COL19A1: variants seen among roughly 807,000 people sequenced by gnomAD.
COL19A1 encodes the protein collagen type XIX alpha 1 chain.
A neutral mutation model predicts 190.2 loss-of-function variants in COL19A1; 159 were observed. The ratio of observed to expected loss-of-function variants is 0.84; its 90% confidence interval spans 0.73 to 0.95. COL19A1 has a LOEUF of 0.95. Among genes scored for constraint, COL19A1 ranks in the 40% least tolerant of loss-of-function variants. The probability of loss-of-function intolerance (pLI) is 0.00; values close to 1 mark genes in which losing one functional copy is unlikely to be tolerated. For missense variants in COL19A1, 1,418 were observed against 1,431.9 expected (o/e 0.99, Z 0.16); for synonymous variants, 509 against 458.9 (o/e 1.11, Z -1.39).
rs1005854651 is a variant in COL19A1 at position 69,886,075 on chromosome 6, A to T, written c.91+6417A>T. Among the ~76,000 whole-genome samples, 6 of 152,238 alleles carry T rather than the reference A, an allele frequency of 3.9e-5. No individual in the cohort carries two copies. The South Asian group carries it at 6.2e-4, about 16-fold the overall frequency. On this transcript the variant is annotated intron_variant, in intron 2 of 50. Transcript: ENST00000620364. ...TATGGGCTGGGAAAAAATAATTGCA[A>T]ACTACTTATCTCATGGTTAATATAC...
At chr6:70,074,310 C>A (rs9454960) in intron 15 of COL19A1, among the ~76,000 whole-genome samples, 2,212 of 151,992 alleles carry the variant, frequency 0.015, 40 homozygotes, top group South Asian at 0.048. Context: ...ACCAGCCTGG[C>A]CAACATGGTG....
chr6:70,032,503 A>G (rs892073007), intron 12 of COL19A1, among the ~76,000 whole-genome samples: 54 of 152,206 alleles, frequency 3.5e-4, no homozygotes, highest in Non-Finnish European at 3.1e-4. Context: ...ATTTTTTTCT[A>G]GTAACCAAAT....
At chr6:69,869,295 T>G (rs991777694) in intron 1 of COL19A1, among the ~76,000 whole-genome samples, 22 of 152,032 alleles carry the variant, frequency 1.4e-4, no homozygotes, top group African/African-American at 5.3e-4. Flanking sequence ...CAAGGAGAGA[T>G]TGGAAAGGAC....
chr6:70,191,387 C>T (rs181120338), intron 48 of COL19A1, among the ~76,000 whole-genome samples: 2 of 152,128 alleles, frequency 1.3e-5, no homozygotes, highest in African/African-American at 4.8e-5. Flanking sequence ...CTTGTTCCAA[C>T]CTGAAGATGT....
intron 11 of COL19A1, among the ~76,000 whole-genome samples, chr6:69,993,070 G>A (rs142402443): frequency 3.4e-4 from 51 of 152,008 alleles, no homozygotes; most frequent in African/African-American, 1.2e-3. Flanking sequence ...TTGCCCATTC[G>A]GTATAATGTT....
At chr6:70,148,925 TA>T (rs5877241) in intron 27 of COL19A1, among the ~76,000 whole-genome samples, 106,462 of 143,084 alleles carry the variant, frequency 0.74, 40,049 homozygotes, top group African/African-American at 0.9. Flanking sequence ...AGACTCCATC[TA>T]AAAAAAAAAA....
chr6:70,065,948 G>C lies in COL19A1; in HGVS notation c.1171-2475G>C, dbSNP rs1279172941. On this transcript the variant is annotated intron_variant, in intron 14 of 50. Coordinates refer to ENST00000620364, the MANE Select transcript of COL19A1 (RefSeq NM_001858.6). Reference sequence around the variant, plus strand: ...CAGTTAGAATGGCAATCATTAAAAAGTCAGGTGCTGGAGAGGATGTGGAGA... The same window carrying C: ...CAGTTAGAATGGCAATCATTAAAAACTCAGGTGCTGGAGAGGATGTGGAGA... Among the ~76,000 whole-genome samples the C allele has an allele frequency of 3.3e-5, 5 of 150,428 alleles. No homozygotes were observed. In the Admixed American group the frequency reaches 3.3e-4, roughly 10 times the overall value.
chr6:69,892,975 A>G (rs982271864), intron 2 of COL19A1, among the ~76,000 whole-genome samples: 18 of 152,376 alleles, frequency 1.2e-4, no homozygotes, highest in Admixed American at 1.1e-3. Context: ...TCCAAATTCT[A>G]TAGGAACCAG....
rs70987498 is a variant in COL19A1 at position 70,096,084 on chromosome 6, A to ATTTTT, written c.1225-6074_1225-6070dup. Among the ~76,000 whole-genome samples, 1,045 of 141,288 alleles carry ATTTTT rather than the reference A, an allele frequency of 7.4e-3. 35 individuals carry two copies. The highest frequency in any genetic ancestry group is 0.044 in the Admixed American group (615 of 14,030). 92.7% of individuals were successfully genotyped at this position (141,288 alleles called of 152,430 possible). The stretch of plus-strand genomic sequence containing the variant: ...GATTGCTAGATCATACGGTAACTCT[A>ATTTTT]TTTTTTTTTTTTTTTGAGAGAGGGT... On this transcript the variant is annotated intron_variant, in intron 15 of 50. Coordinates refer to ENST00000620364, the MANE Select transcript of COL19A1 (RefSeq NM_001858.6).
chr6:69,912,309 G>C (rs955297877), intron 4 of COL19A1, among the ~76,000 whole-genome samples: 1 of 151,966 alleles, frequency 6.6e-6, no homozygotes, highest in Non-Finnish European at 1.5e-5. Flanking sequence ...CTCAGGCCTC[G>C]TTAATATGTG....
At chr6:69,887,223 T>C (rs897565234) in intron 2 of COL19A1, among the ~76,000 whole-genome samples, 3 of 152,254 alleles carry the variant, frequency 2.0e-5, no homozygotes, top group East Asian at 1.9e-4. Flanking sequence ...ATCTTGAGAC[T>C]TGTTTTGCTA....
At chr6:69,923,106 G>A (rs554561600) in intron 4 of COL19A1, among the ~76,000 whole-genome samples, 235 of 152,134 alleles carry the variant, frequency 1.5e-3, no homozygotes, top group Non-Finnish European at 1.9e-3. Context: ...ATTTCTGAAG[G>A]ATTTCAGAAA....
chr6:70,062,140 G>A (rs1443312686), intron 14 of COL19A1, among the ~76,000 whole-genome samples: 2 of 151,812 alleles, frequency 1.3e-5, no homozygotes, highest in Admixed American at 6.6e-5. Flanking sequence ...AAATGAGAGT[G>A]ATAAATACAT....
rs147011781 is a variant in COL19A1, at chr6:70,064,113, C to A, written c.1171-4310C>A. On this transcript the variant is annotated intron_variant, in intron 14 of 50. Transcript: ENST00000620364. ...ATCAATAGAAAAAGAGAGAATCCTC[C>A]CTAACTCATTTTATGAGGACAGCAT... Among the ~76,000 whole-genome samples the A allele has an allele frequency of 3.7e-3, 563 of 152,214 alleles. 11 individuals are homozygous for A. The highest frequency in any genetic ancestry group is 0.013 in the African/African-American group (533 of 41,530).
At chr6:70,129,114 G>C (rs1212844110) in intron 17 of COL19A1, among the ~76,000 whole-genome samples, 1 of 152,184 alleles carries the variant, frequency 6.6e-6, no homozygotes, top group African/African-American at 2.4e-5. Flanking sequence ...TTAGGAACAA[G>C]CCTGTCCAAA....
At chr6:69,899,124 AGATCAT>A in intron 3 of COL19A1, 102 bp downstream of exon 3, 1 of 735,268 alleles carries the variant, frequency 1.4e-6, no homozygotes, top group Non-Finnish European at 2.3e-6. Flanking sequence ...CTGCAATTTA[AGATCAT>A]AGCATTAACG....
At chr6:70,027,075 G>C (rs1373134164) in intron 12 of COL19A1, among the ~76,000 whole-genome samples, 1 of 152,126 alleles carries the variant, frequency 6.6e-6, no homozygotes, top group Non-Finnish European at 1.5e-5. Flanking sequence ...TTGAATTAAA[G>C]TCAAGCCAAT....
intron 17 of COL19A1, 64 bp from the exon 18 acceptor site, chr6:70,130,118 A>G: frequency 6.4e-7 from 1 of 1,561,430 alleles, no homozygotes; most frequent in South Asian, 1.1e-5. Flanking sequence ...ATACTGTTAC[A>G]GATTGAATGT....
chr6:69,988,018 A>G (rs1776402826), intron 11 of COL19A1, among the ~76,000 whole-genome samples: 1 of 152,260 alleles, frequency 6.6e-6, no homozygotes. Flanking sequence ...TCTGACTCAT[A>G]CAGGTTCTGG....
Sources: gnomAD v4.1 joint callset for allele counts (sites outside exome capture counted in the v4.1 genomes callset) on GRCh38, gnomAD v4.1.1 for gene constraint, MANE v1.5 for transcripts, NCBI Gene and HGNC (gene_info 2026-07-23, HGNC 2026-07-21) for gene names.